The following EDNRA variants were observed in gnomAD, a reference collection of about 807,000 sequenced individuals.
EDNRA encodes the protein endothelin-1 receptor.
A neutral mutation model predicts 41.4 loss-of-function variants in EDNRA; 11 were observed. That is an observed-to-expected ratio of 0.27 (90% confidence interval 0.17 to 0.44). The LOEUF (loss-of-function observed/expected upper bound fraction) is 0.44, where lower values mean the gene tolerates loss of function less well. EDNRA is among the 20% of genes least tolerant of loss of function. The pLI is 1.00. For missense variants in EDNRA, 294 were observed against 531.0 expected (o/e 0.55, Z 4.39); for synonymous variants, 172 against 183.0 (o/e 0.94, Z 0.49).
At chr4:147,497,605 T>A (rs1358361534) in intron 2 of EDNRA, among the ~76,000 whole-genome samples, 1 of 151,932 alleles carries the variant, frequency 6.6e-6, no homozygotes. Context: ...GGAGTCTCGC[T>A]CTGTCGCCCA....
intron 7 of EDNRA, among the ~76,000 whole-genome samples, chr4:147,542,225 A>G (rs1040961833): frequency 1.3e-5 from 2 of 152,186 alleles, no homozygotes; most frequent in African/African-American, 4.8e-5. Flanking sequence ...TCTCACCTAC[A>G]GTGCCTTCCC....
intron 4 of EDNRA, among the ~76,000 whole-genome samples, chr4:147,535,369 A>AG (rs1730883478): frequency 6.6e-6 from 1 of 152,198 alleles, no homozygotes; most frequent in South Asian, 2.1e-4. Flanking sequence ...TACCAGGCAG[A>AG]GGGTTAACCC....
At position 147,542,562 on chromosome 4, in the gene EDNRA, C is replaced by T. The variant is rs565590856; in HGVS notation, c.1228C>T (p.His410Tyr). The T allele has an allele frequency of 5.0e-6, 8 of 1,614,108 alleles. No homozygotes were observed. Among genetic ancestry groups the T allele is most frequent in the Admixed American group, 3.3e-5 (2 of 60,014 alleles). Residue 410 changes from histidine to tyrosine, a missense_variant, in exon 8 of 8, where the codon CAC becomes TAC. His to Tyr is a moderately conservative substitution (Grantham distance 83). Around this residue, in one of 3 missense-constraint regions of EDNRA, gnomAD observed 185 missense variants for 390.8 expected, o/e 0.47. Coordinates refer to ENST00000651419, the MANE Select transcript of EDNRA (RefSeq NM_001957.4). ...CGGAACAAGCATCCAGTGGAAGAAC[C>T]ACGATCAAAACAACCACAACACAGA... is the stretch of plus-strand genomic sequence containing the variant. ...MNGTSIQWKN[H>Y]DQNNHNTDRS... is the part of the protein sequence containing the mutation.
intron 2 of EDNRA, among the ~76,000 whole-genome samples, chr4:147,516,368 T>C (rs1042890079): frequency 6.6e-6 from 1 of 152,242 alleles, no homozygotes; most frequent in African/African-American, 2.4e-5. Flanking sequence ...GGTAGGTTTC[T>C]TTCAACATAA....
At chr4:147,481,707 A>G (rs912050973) in intron 1 of EDNRA, among the ~76,000 whole-genome samples, 3 of 152,196 alleles carry the variant, frequency 2.0e-5, no homozygotes, top group Non-Finnish European at 4.4e-5. Context: ...CCAGGCATGC[A>G]AGAACTTTGA....
chr4:147,490,741 A>G (rs1450876332), intron 2 of EDNRA: 2 of 152,298 alleles, frequency 1.3e-5, no homozygotes, highest in East Asian at 3.9e-4. Context: ...AGTGTTGTCC[A>G]TAGGGAGATG....
At chr4:147,484,909 A>G (rs1467762699) in intron 1 of EDNRA, among the ~76,000 whole-genome samples, 1 of 152,270 alleles carries the variant, frequency 6.6e-6, no homozygotes, top group Non-Finnish European at 1.5e-5. Flanking sequence ...TGTTAACCAG[A>G]GTTCTCATTA....
intron 4 of EDNRA, among the ~76,000 whole-genome samples, chr4:147,535,590 G>A (rs981899783): frequency 1.3e-5 from 2 of 152,270 alleles, no homozygotes; most frequent in Admixed American, 6.5e-5. Flanking sequence ...GGGCTCTTCC[G>A]TTGTGTAGTT....
In EDNRA at chr4:147,486,707, A is replaced by C. The variant is rs1728958307; in HGVS notation, c.420+606A>C. Among the ~76,000 whole-genome samples the C allele has an allele frequency of 6.6e-6, 1 of 152,136 alleles. No homozygotes were observed. The highest frequency in any genetic ancestry group is 1.5e-5 in the Non-Finnish European group (1 of 68,026). ...CTGAGCAGCATTACTAACTAATACC[A>C]CTTAAAATTTGCCTGCTTTACTGTG... On this transcript the variant is annotated intron_variant, in intron 2 of 7. Transcript: ENST00000651419. This position sits in a 1 kb window ranked among gnomAD's most constrained non-coding sequence, Gnocchi z 4.3.
chr4:147,495,465 A>T (rs961309610), intron 2 of EDNRA: 3 of 152,254 alleles, frequency 2.0e-5, no homozygotes, highest in Non-Finnish European at 4.4e-5. Context: ...CCAAAATAGC[A>T]TCTATGTTGT....
chr4:147,481,134 G>A lies in EDNRA; in HGVS notation c.-313G>A, dbSNP rs928053021. 6.6e-6 allele frequency: 1 copy of A among 152,308 alleles called. No homozygotes were observed. The highest frequency in any genetic ancestry group is 1.5e-5 in the Non-Finnish European group (1 of 68,120). 9.4% of individuals were successfully genotyped at this position (152,308 alleles called of 1,614,324 possible). On this transcript the variant is annotated 5_prime_UTR_variant, in exon 1 of 8. Transcript: ENST00000651419. ...GGTCTGACGATTGTGGAGAGGCGGT[G>A]GAGAGGCTTCATCCATCCCACCCGG...
intron 7 of EDNRA, 38 bp from the exon 8 acceptor site, chr4:147,542,440 G>A: frequency 6.2e-7 from 1 of 1,613,072 alleles, no homozygotes; most frequent in Non-Finnish European, 8.5e-7. Flanking sequence ...GAATGGGCTG[G>A]TAGGCTCGCC....
At chr4:147,498,815 G>C (rs1729405493) in intron 2 of EDNRA, among the ~76,000 whole-genome samples, 1 of 151,998 alleles carries the variant, frequency 6.6e-6, no homozygotes, top group Admixed American at 6.6e-5. Flanking sequence ...CTGTTTCCCA[G>C]GCTTATCTTG....
chr4:147,543,216 G>A lies in EDNRA; in HGVS notation c.*598G>A, dbSNP rs1731174013. ...AAAATAGTATTCAGGTGAGCAATTA[G>A]ATTAGTATTTTCCACGTCACTGTTT... is the stretch of plus-strand genomic sequence containing the variant. On this transcript the variant is annotated 3_prime_UTR_variant, in exon 8 of 8. Coordinates refer to ENST00000651419, the MANE Select transcript of EDNRA (RefSeq NM_001957.4). 6.6e-6 allele frequency: 1 copy of A among 151,750 alleles called. No homozygotes were observed. Among genetic ancestry groups the A allele is most frequent in the African/African-American group, 2.4e-5 (1 of 41,288 alleles). The allele number at this position is 151,750 out of a possible 1,614,324, so 9.4% of individuals were successfully genotyped here. A position where few individuals can be genotyped will look rare whatever the true frequency, so the allele number is the denominator to read the frequency against.
At chr4:147,500,859 A>G (rs952286053) in intron 2 of EDNRA, among the ~76,000 whole-genome samples, 2 of 152,228 alleles carry the variant, frequency 1.3e-5, no homozygotes, top group Non-Finnish European at 1.5e-5. Context: ...GGGAGGGAGC[A>G]TGGACTCTCA....
chr4:147,540,859 T>C (rs1731075283), intron 7 of EDNRA, among the ~76,000 whole-genome samples: 1 of 151,634 alleles, frequency 6.6e-6, no homozygotes, highest in Admixed American at 6.6e-5. Flanking sequence ...AGCTCTATTG[T>C]TAAGAAAGCG....
At chr4:147,497,172 T>G (rs1388964384) in intron 2 of EDNRA, among the ~76,000 whole-genome samples, 2 of 146,800 alleles carry the variant, frequency 1.4e-5, no homozygotes, top group Non-Finnish European at 3.0e-5. Flanking sequence ...TTTTTTTTTT[T>G]TTTGTTTAGA....
chr4:147,526,873 G>A (rs1001270763), intron 3 of EDNRA, among the ~76,000 whole-genome samples: 1 of 152,220 alleles, frequency 6.6e-6, no homozygotes, highest in East Asian at 1.9e-4. Context: ...TCCCTTAAGG[G>A]AGTACAGGTT....
At chr4:147,536,419 A>G (rs1355195466) in intron 5 of EDNRA, among the ~76,000 whole-genome samples, 1 of 151,608 alleles carries the variant, frequency 6.6e-6, no homozygotes, top group African/African-American at 2.4e-5. Flanking sequence ...AACAACTGGA[A>G]TATAGAACCA....
Sources: allele counts gnomAD v4.1 joint callset (sites outside exome capture counted in the v4.1 genomes callset), GRCh38; gene constraint gnomAD v4.1.1; regional missense constraint gnomAD v4.1.1; non-coding constraint Gnocchi (gnomAD v3.1); transcripts MANE v1.5; gene names NCBI Gene and HGNC (gene_info 2026-07-23, HGNC 2026-07-21).